Variants in PTGFRN observed in about 807,000 individuals in gnomAD.
PTGFRN encodes prostaglandin F2 receptor inhibitor.
Under a neutral mutation model 83.2 loss-of-function variants are expected in PTGFRN, and 35 were observed. The observed-to-expected ratio is 0.42, with a 90% confidence interval of 0.32 to 0.56. The LOEUF (loss-of-function observed/expected upper bound fraction) is 0.56. PTGFRN is among the 20% of genes least tolerant of loss of function. The pLI, the probability that PTGFRN is intolerant of heterozygous loss-of-function variation, is 0.11. For synonymous variants in PTGFRN, 519 were observed against 498.6 expected (o/e 1.04, Z -0.55); for missense variants, 1,051 against 1,179.5 (o/e 0.89, Z 1.60).
intron 1 of PTGFRN, among the ~76,000 whole-genome samples, chr1:116,926,399 C>G (rs1393216144): frequency 1.3e-5 from 2 of 152,202 alleles, no homozygotes; most frequent in African/African-American, 4.8e-5. Context: ...CCTCTAGCAG[C>G]TGCTAATTTT....
chr1:116,961,501 C>T lies in PTGFRN; in HGVS notation c.1472C>T (p.Ser491Phe). 1 of 1,614,130 alleles carries T rather than the reference C, an allele frequency of 6.2e-7. No homozygotes were observed. The highest frequency in any genetic ancestry group is 8.5e-7 in the Non-Finnish European group (1 of 1,180,018). ...QRAQDGDFIF[S>F]KEHTDTFNFR... ...GCCCAGGATGGAGACTTTATTTTTTCTAAGGAACATACAGACACGTTCAAT... is the reference window on the plus strand; with the variant it reads ...GCCCAGGATGGAGACTTTATTTTTTTTAAGGAACATACAGACACGTTCAAT... The change falls in exon 5 of 9, where the codon TCT (serine) becomes TTT (phenylalanine). Residue 491 changes from serine (S) to phenylalanine (F), a missense_variant. Ser to Phe is a radical substitution (Grantham distance 155). Around this residue, in one of 3 missense-constraint regions of PTGFRN, gnomAD observed 719 missense variants for 836.6 expected, o/e 0.86. Transcript: ENST00000393203. The surrounding 1 kb of genome is among the most constrained non-coding windows in gnomAD (Gnocchi z 5.4).
rs760807899 is a variant in PTGFRN at position 116,910,199 on chromosome 1, C to G, written c.-5C>G. 75 of 1,483,876 alleles carry G rather than the reference C, an allele frequency of 5.1e-5. No homozygotes were observed. Among genetic ancestry groups the G allele is most frequent in the Non-Finnish European group, 6.1e-5 (69 of 1,123,058 alleles). 91.9% of individuals were successfully genotyped at this position (1,483,876 alleles called of 1,614,324 possible). ...GAGGGGGAGAGTCGCTCCCGCCGGGCGAGCATGGGGCGCCTGGCCTCGAGG... is the reference window on the plus strand; with the variant it reads ...GAGGGGGAGAGTCGCTCCCGCCGGGGGAGCATGGGGCGCCTGGCCTCGAGG... On this transcript the variant is annotated 5_prime_UTR_variant, in exon 1 of 9. Coordinates refer to ENST00000393203, the MANE Select transcript of PTGFRN (RefSeq NM_020440.4).
At chr1:116,982,539 T>G (rs1455703830) in intron 7 of PTGFRN, among the ~76,000 whole-genome samples, 1 of 151,958 alleles carries the variant, frequency 6.6e-6, no homozygotes, top group Non-Finnish European at 1.5e-5. Context: ...AGGCAGTATC[T>G]TAGGTCAGGT....
intron 1 of PTGFRN, among the ~76,000 whole-genome samples, chr1:116,924,286 A>G (rs1442824805): frequency 6.8e-6 from 1 of 146,922 alleles, no homozygotes; most frequent in Non-Finnish European, 1.5e-5. Flanking sequence ...AGCTGGGATT[A>G]CAGGCGCCTG....
At chr1:116,951,910 A>C (rs1018437782) in intron 4 of PTGFRN, among the ~76,000 whole-genome samples, 2 of 152,224 alleles carry the variant, frequency 1.3e-5, no homozygotes, top group Non-Finnish European at 2.9e-5. Flanking sequence ...CTTGGGACCA[A>C]TATAAGGTAA....
chr1:116,910,375 C>G, intron 1 of PTGFRN, 123 bp downstream of exon 1: 1 of 904,684 alleles, frequency 1.1e-6, no homozygotes, highest in Non-Finnish European at 1.4e-6. Flanking sequence ...CCCGGGAAAC[C>G]CGGCCGGGGT....
At chr1:116,911,498 C>T (rs1649271832) in intron 1 of PTGFRN, among the ~76,000 whole-genome samples, 2 of 152,210 alleles carry the variant, frequency 1.3e-5, no homozygotes, top group South Asian at 4.1e-4. Context: ...GCTGTGTTTT[C>T]TTCCTTCACC....
At position 116,961,102 on chromosome 1, in the gene PTGFRN, G is replaced by A; in HGVS notation, c.1214-141G>A. 12 of 938,590 alleles carry A rather than the reference G, an allele frequency of 1.3e-5. No homozygotes were observed. The highest frequency in any genetic ancestry group is 2.3e-4 in the Middle Eastern group (1 of 4,364). The allele number at this position is 938,590 out of a possible 1,614,324, so 58.1% of individuals were successfully genotyped here. ...GTTCTAGGATCCTATCCAATGCAACGACTGATTTCTGTCTCTCTAGTCCGG... is the reference window on the plus strand; with the variant it reads ...GTTCTAGGATCCTATCCAATGCAACAACTGATTTCTGTCTCTCTAGTCCGG... On this transcript the variant is annotated intron_variant, in intron 4 of 8. Transcript: ENST00000393203. This position sits in a 1 kb window ranked among gnomAD's most constrained non-coding sequence, Gnocchi z 5.4.
rs763791050 is a variant in PTGFRN, at chr1:116,941,788, C to A, written c.123C>A (p.Ile41=). Residue 41 remains isoleucine (I), a synonymous_variant, in exon 2 of 9, where the codon ATC becomes ATA. Coordinates refer to ENST00000393203, the MANE Select transcript of PTGFRN (RefSeq NM_020440.4). The surrounding 1 kb of genome is among the most constrained non-coding windows in gnomAD (Gnocchi z 5.0). ...LVRVVGTELV[I]PCNVSDYDGP... is the part of the protein sequence containing the mutation. ...GAGTGGTGGGCACTGAGCTGGTCAT[C>A]CCCTGCAACGTCAGTGACTATGATG... 1.2e-6 allele frequency: 2 copies of A among 1,614,090 alleles called. No homozygotes were observed. The highest frequency in any genetic ancestry group is 1.7e-6 in the Non-Finnish European group (2 of 1,180,044).
chr1:116,986,931 C>T lies in PTGFRN; in HGVS notation c.2604C>T (p.Arg868=), dbSNP rs763120740. 34 of 1,614,242 alleles carry T rather than the reference C, an allele frequency of 2.1e-5. No homozygotes were observed. Among genetic ancestry groups the T allele is most frequent in the Admixed American group, 6.7e-5 (4 of 60,036 alleles). ...CCKKEVQETR[R]ERRRLMSMEM... is the part of the protein sequence containing the mutation. ...AGAAGGAGGTTCAGGAGACACGGCG[C>T]GAGCGCCGCAGGCTCATGTCGATGG... The change falls in exon 9 of 9, where the codon CGC becomes CGT. Residue 868 remains arginine (R), a synonymous_variant. Transcript: ENST00000393203.
At position 116,969,828 on chromosome 1, in the gene PTGFRN, T is replaced by C. The variant is rs1487561695; in HGVS notation, c.2059+2498T>C. On this transcript the variant is annotated intron_variant, in intron 6 of 8. Coordinates refer to ENST00000393203, the MANE Select transcript of PTGFRN (RefSeq NM_020440.4). ...TTTCTTTTGTTAAATTTATCGTAAG[T>C]ATTTTATTCTTTTTGATGCTATTGT... is the stretch of plus-strand genomic sequence containing the variant. 3.3e-5 allele frequency among the ~76,000 whole-genome samples: 5 copies of C among 152,228 alleles called. No homozygotes were observed. In the East Asian group the frequency reaches 5.8e-4, roughly 18 times the overall value.
At chr1:116,981,501 G>A (rs900329732) in intron 7 of PTGFRN, among the ~76,000 whole-genome samples, 3 of 152,224 alleles carry the variant, frequency 2.0e-5, no homozygotes, top group Admixed American at 6.5e-5. Flanking sequence ...AGCAAAGGGC[G>A]GTGGCCTGCA....
intron 7 of PTGFRN, among the ~76,000 whole-genome samples, chr1:116,983,460 C>A (rs1236317039): frequency 6.7e-6 from 1 of 149,298 alleles, no homozygotes; most frequent in Admixed American, 6.7e-5. Flanking sequence ...ACTCCCTCTG[C>A]CCCCAGGGAG....
At chr1:116,917,331 G>A (rs1436824977) in intron 1 of PTGFRN, among the ~76,000 whole-genome samples, 1 of 152,174 alleles carries the variant, frequency 6.6e-6, no homozygotes, top group Non-Finnish European at 1.5e-5. Context: ...GCGTCTCTAA[G>A]CAGGCCCACA....
In PTGFRN at chr1:116,945,110, C is replaced by T. The variant is rs750867958; in HGVS notation, c.832+18C>T. On this transcript the variant is annotated intron_variant, in intron 3 of 8. Coordinates refer to ENST00000393203, the MANE Select transcript of PTGFRN (RefSeq NM_020440.4). ...GCCATCAGGTGAGCTGGAAACGATG[C>T]GTTATAGGTGATGTTATTTTGTGAC... The T allele has an allele frequency of 1.2e-5, 19 of 1,588,602 alleles. No homozygotes were observed. The highest frequency in any genetic ancestry group is 3.3e-4 in the Middle Eastern group (2 of 5,972).
chr1:116,970,142 G>A (rs1650948534), intron 6 of PTGFRN, among the ~76,000 whole-genome samples: 1 of 150,366 alleles, frequency 6.7e-6, no homozygotes, highest in Admixed American at 6.8e-5. Flanking sequence ...TTGAATGGAA[G>A]TAGCACAAGT....
chr1:116,939,229 C>T (rs569523035), intron 1 of PTGFRN, among the ~76,000 whole-genome samples: 18 of 152,202 alleles, frequency 1.2e-4, no homozygotes, highest in Non-Finnish European at 2.6e-4. Flanking sequence ...TTGTGGGGGC[C>T]CTGACCCCAC....
chr1:116,919,200 A>T (rs1649478168), intron 1 of PTGFRN, among the ~76,000 whole-genome samples: 1 of 152,014 alleles, frequency 6.6e-6, no homozygotes, highest in Non-Finnish European at 1.5e-5. Context: ...GCCTGAATGG[A>T]TTAGGAGAGA....
intron 7 of PTGFRN, among the ~76,000 whole-genome samples, chr1:116,975,311 A>C (rs992199411): frequency 1.3e-5 from 2 of 152,212 alleles, no homozygotes; most frequent in Admixed American, 6.5e-5. Context: ...GGGCATAGCC[A>C]AACAAAAGGC....
Sources: gnomAD v4.1 joint callset for allele counts (sites outside exome capture counted in the v4.1 genomes callset) on GRCh38, gnomAD v4.1.1 for gene constraint, gnomAD v4.1.1 regional missense constraint, Gnocchi (gnomAD v3.1) non-coding constraint, MANE v1.5 for transcripts, NCBI Gene and HGNC (gene_info 2026-07-23, HGNC 2026-07-21) for gene names.